TUBG1: variants seen among roughly 807,000 people sequenced by gnomAD.
TUBG1 encodes the protein tubulin gamma-1 chain.
A neutral mutation model predicts 53.3 loss-of-function variants in TUBG1; 22 were observed. That is an observed-to-expected ratio of 0.41 (90% CI 0.29 to 0.59). The LOEUF (loss-of-function observed/expected upper bound fraction) is 0.59, where lower values mean the gene tolerates loss of function less well. Among genes scored for constraint, TUBG1 ranks in the 20% least tolerant of loss-of-function variants. The pLI, the probability that TUBG1 is intolerant of heterozygous loss-of-function variation, is 0.26. For missense variants in TUBG1, 217 were observed against 598.9 expected (o/e 0.36, Z 6.66); for synonymous variants, 198 against 236.7 (o/e 0.84, Z 1.50).
Position 42,615,233 on chromosome 17 carries a change from A to C in TUBG1, c.*192A>C. The C allele has an allele frequency of 6.9e-6, 4 of 578,678 alleles. No homozygotes were observed. The highest frequency in any genetic ancestry group is 1.2e-5 in the Non-Finnish European group (4 of 330,306). 35.8% of individuals were successfully genotyped at this position (578,678 alleles called of 1,614,324 possible). On this transcript the variant is annotated 3_prime_UTR_variant, in exon 11 of 11. Transcript: ENST00000251413. ...TATCTTTAATAAAGCACTGGATATAAATCAAGTCACTGCTCCCTTTAAAGC... is the reference window on the plus strand; with the variant it reads ...TATCTTTAATAAAGCACTGGATATACATCAAGTCACTGCTCCCTTTAAAGC...
chr17:42,614,004 AG>A lies in TUBG1; in HGVS notation c.843+7del, dbSNP rs2052056600. On this transcript the variant is annotated splice_region_variant and intron_variant, in intron 8 of 10. Transcript: ENST00000251413. This position sits in a 1 kb window ranked among gnomAD's most constrained non-coding sequence, Gnocchi z 5.1. ...CTCTCACTACGGACCAGTCAGTAAG[AG>A]CAGCCTTCAGTGTCCCAGGCCAGGC... The A allele has an allele frequency of 3.1e-6, 5 of 1,614,156 alleles. No homozygotes were observed. The Middle Eastern group carries it at 4.9e-4, about 160-fold the overall frequency.
rs1331357865 is a variant in TUBG1, at chr17:42,609,704, C to G, written c.-34C>G. The stretch of plus-strand genomic sequence containing the variant: ...GGCTGGCGTGCGGCGCCGTTGCGGG[C>G]GGGAGCGGCTGCAACGCCGGTGCCT... On this transcript the variant is annotated 5_prime_UTR_variant, in exon 1 of 11. Coordinates refer to ENST00000251413, the MANE Select transcript of TUBG1 (RefSeq NM_001070.5). 1.9e-6 allele frequency: 3 copies of G among 1,539,962 alleles called. No individual in the cohort carries two copies. The highest frequency in any genetic ancestry group is 1.2e-5 in the South Asian group (1 of 82,778).
rs749432201 is a variant in TUBG1, at chr17:42,610,492, C to T, written c.232C>T (p.Leu78Phe). The change falls in exon 3 of 11, where the codon CTC (leucine) becomes TTC (phenylalanine). Residue 78 changes from leucine (L) to phenylalanine (F), a missense_variant. Physicochemically the swap from Leu to Phe is conservative, Grantham distance 22. Coordinates refer to ENST00000251413, the MANE Select transcript of TUBG1 (RefSeq NM_001070.5). ...GGAACCCCGGGTGATCCACTCCATC[C>T]TCAACTCCCCCTATGCCAAGCTCTA... ...DLEPRVIHSI[L>F]NSPYAKLYNP... is the part of the protein sequence containing the mutation. 6.2e-7 allele frequency: 1 copy of T among 1,613,800 alleles called. No individual in the cohort carries two copies. The highest frequency in any genetic ancestry group is 1.1e-5 in the South Asian group (1 of 91,066).
intron 3 of TUBG1, 83 bp downstream of exon 3, chr17:42,610,673 A>G (rs778421361): frequency 6.3e-6 from 10 of 1,590,208 alleles, no homozygotes; most frequent in Non-Finnish European, 8.6e-6. Context: ...GGAAAACCGG[A>G]TCAGGGATGT....
rs2093177475 is a variant in TUBG1, at chr17:42,609,745, G to A, written c.8G>A (p.Arg3Lys). The A allele has an allele frequency of 1.9e-6, 3 of 1,550,882 alleles. No individual in the cohort carries two copies. Among genetic ancestry groups the A allele is most frequent in the Non-Finnish European group, 1.7e-6 (2 of 1,146,678 alleles). MP[R>K]EIITLQLGQC... The stretch of plus-strand genomic sequence containing the variant: ...GCCGGTGCCTGAGGAGCGATGCCGA[G>A]GGAAATCATCACCCTACAGTTGGGC... The change falls in exon 1 of 11, where the codon AGG becomes AAG. Residue 3 changes from arginine to lysine, a missense_variant. Physicochemically the swap from Arg to Lys is conservative, Grantham distance 26 (BLOSUM62 2). This residue lies in a region of TUBG1 where 57 missense variants were observed against 169.3 expected (regional missense o/e 0.34). Transcript: ENST00000251413.
At position 42,614,761 on chromosome 17, in the gene TUBG1, T is replaced by C. The variant is rs1000206034; in HGVS notation, c.1159-83T>C. On this transcript the variant is annotated intron_variant, in intron 10 of 10. Transcript: ENST00000251413. The surrounding 1 kb of genome is among the most constrained non-coding windows in gnomAD (Gnocchi z 5.1). ...GCTTCTAGCTTTTTTGCTGTGGGCA[T>C]AGCCCAGCCTTGGTTCCCCAGCTTT... 3 of 1,607,824 alleles carry C rather than the reference T, an allele frequency of 1.9e-6. No individual in the cohort carries two copies. The African/African-American group carries it at 4.0e-5, about 22-fold the overall frequency.
chr17:42,614,936 C>A lies in TUBG1; in HGVS notation c.1251C>A (p.Asn417Lys). 6.2e-7 allele frequency: 1 copy of A among 1,614,260 alleles called. No homozygotes were observed. Residue 417 changes from asparagine to lysine, a missense_variant, in exon 11 of 11, where the codon AAC (asparagine) becomes AAA (lysine). This residue lies in a region of TUBG1 where 135 missense variants were observed against 371.2 expected (regional missense o/e 0.36). Coordinates refer to ENST00000251413, the MANE Select transcript of TUBG1 (RefSeq NM_001070.5). The surrounding 1 kb of genome is among the most constrained non-coding windows in gnomAD (Gnocchi z 5.1). ...QFRKEDMFKD[N>K]FDEMDTSREI... is the part of the protein sequence containing the mutation. ...GCAAGGAGGACATGTTCAAGGACAA[C>A]TTTGATGAGATGGACACATCCAGGG...
rs189529325 is a variant in TUBG1, at chr17:42,613,736, G to A, written c.693+3G>A. On this transcript the variant is annotated splice_donor_region_variant and intron_variant, in intron 7 of 10. Transcript: ENST00000251413. ...CCTTCTCCCAGATCAACCAGCTGGTGGGCCCCCACTCCTGGACTCCTTTGG... is the reference window on the plus strand; with the variant it reads ...CCTTCTCCCAGATCAACCAGCTGGTAGGCCCCCACTCCTGGACTCCTTTGG... The A allele has an allele frequency of 6.2e-7, 1 of 1,614,102 alleles. No individual in the cohort carries two copies. The highest frequency in any genetic ancestry group is 1.7e-5 in the Admixed American group (1 of 60,008).
rs368976351 is a variant in TUBG1 at position 42,614,009 on chromosome 17, C to T, written c.843+11C>T. 2.2e-5 allele frequency: 35 copies of T among 1,614,064 alleles called. No individual in the cohort carries two copies. The South Asian group carries it at 3.3e-4, about 15-fold the overall frequency. On this transcript the variant is annotated intron_variant, in intron 8 of 10. Transcript: ENST00000251413. This position sits in a 1 kb window ranked among gnomAD's most constrained non-coding sequence, Gnocchi z 5.1. ...ACTACGGACCAGTCAGTAAGAGCAG[C>T]CTTCAGTGTCCCAGGCCAGGCCGGC...
Position 42,614,325 on chromosome 17 carries a change from G to A in TUBG1, c.909G>A (p.Val303=), listed in dbSNP as rs761003698. 6.2e-6 allele frequency: 10 copies of A among 1,613,842 alleles called. No individual in the cohort carries two copies. Among genetic ancestry groups the A allele is most frequent in the African/African-American group, 1.3e-5 (1 of 74,906 alleles). ...VMRRLLQPKN[V]MVSTGRDRQT... ...GGCGGCTGCTGCAGCCCAAGAACGTGATGGTGTCCACAGGCCGAGACCGCC... is the reference window on the plus strand; with the variant it reads ...GGCGGCTGCTGCAGCCCAAGAACGTAATGGTGTCCACAGGCCGAGACCGCC... Residue 303 remains valine (V), a synonymous_variant, in exon 9 of 11, where the codon GTG becomes GTA. Coordinates refer to ENST00000251413, the MANE Select transcript of TUBG1 (RefSeq NM_001070.5). This position sits in a 1 kb window ranked among gnomAD's most constrained non-coding sequence, Gnocchi z 5.1.
At chr17:42,609,857 G>A (rs377379326) in intron 1 of TUBG1, 71 bp downstream of exon 1, 1 of 1,507,678 alleles carries the variant, frequency 6.6e-7, no homozygotes, top group African/African-American at 1.4e-5. Flanking sequence ...TGGGATCCTG[G>A]ACTCCATCTG....
At chr17:42,609,964 C>A in intron 1 of TUBG1, 144 bp from the exon 2 acceptor site, 3 of 1,286,014 alleles carry the variant, frequency 2.3e-6, no homozygotes, top group South Asian at 1.5e-5. Context: ...CAGTCCCTGG[C>A]GTACAGTCCT....
intron 6 of TUBG1, 78 bp downstream of exon 6, chr17:42,613,151 T>TA (rs1422169757): frequency 1.1e-5 from 17 of 1,549,074 alleles, no homozygotes; most frequent in South Asian, 3.6e-5. Flanking sequence ...TTCATGTATT[T>TA]AAAAAAAATC....
rs552671339 is a variant in TUBG1, at chr17:42,615,134, C to T, written c.*93C>T. 124 of 1,259,220 alleles carry T rather than the reference C, an allele frequency of 9.8e-5. No individual in the cohort carries two copies. In the African/African-American group the frequency reaches 1.6e-3, roughly 16 times the overall value. 78.0% of individuals were successfully genotyped at this position (1,259,220 alleles called of 1,614,324 possible). A position where few individuals can be genotyped will look rare whatever the true frequency, so the allele number is the denominator to read the frequency against. On this transcript the variant is annotated 3_prime_UTR_variant, in exon 11 of 11. Coordinates refer to ENST00000251413, the MANE Select transcript of TUBG1 (RefSeq NM_001070.5). ...CTCAGAGCACAGATCAGGGACCTCA[C>T]GCATCTCTTTCTCATATACATGGAC...
At position 42,613,017 on chromosome 17, in the gene TUBG1, C is replaced by T; in HGVS notation, c.550C>T (p.Gln184Ter). The change falls in exon 6 of 11, where the codon CAG becomes TAG. Residue 184 changes from glutamine (Q) to a stop codon, truncating the protein, a stop_gained. Coordinates refer to ENST00000251413, the MANE Select transcript of TUBG1 (RefSeq NM_001070.5). LOFTEE classifies it high-confidence loss of function. ...GGACGAGATGAGCGATGTGGTGGTC[C>T]AGCCTTACAATTCACTCCTCACACT... ...NQDEMSDVVV[Q>*]PYNSLLTLKR... The T allele has an allele frequency of 1.2e-6, 2 of 1,614,102 alleles. No individual in the cohort carries two copies. The highest frequency in any genetic ancestry group is 1.7e-6 in the Non-Finnish European group (2 of 1,180,004).
rs1424759068 is a variant in TUBG1 at position 42,609,736 on chromosome 17, C to T, written c.-2C>T. On this transcript the variant is annotated 5_prime_UTR_variant, in exon 1 of 11. Transcript: ENST00000251413. The stretch of plus-strand genomic sequence containing the variant: ...GGCTGCAACGCCGGTGCCTGAGGAG[C>T]GATGCCGAGGGAAATCATCACCCTA... 1.7e-5 allele frequency: 26 copies of T among 1,549,992 alleles called. No individual in the cohort carries two copies. The highest frequency in any genetic ancestry group is 2.3e-5 in the Non-Finnish European group (26 of 1,146,360).
At position 42,615,091 on chromosome 17, in the gene TUBG1, T is replaced by G. The variant is rs1332306925; in HGVS notation, c.*50T>G. ...CTGCCTTACTGGTTGGCCCAAGCCC[T>G]GCCTGACTGACCACCCCCTCAGAGC... On this transcript the variant is annotated 3_prime_UTR_variant, in exon 11 of 11. Transcript: ENST00000251413. The G allele has an allele frequency of 2.5e-6, 4 of 1,595,438 alleles. No individual in the cohort carries two copies. In the African/African-American group the frequency reaches 5.4e-5, roughly 21 times the overall value.
In TUBG1 at chr17:42,614,820, C is replaced by T. The variant is rs1421842853; in HGVS notation, c.1159-24C>T. On this transcript the variant is annotated intron_variant, in intron 10 of 10. Coordinates refer to ENST00000251413, the MANE Select transcript of TUBG1 (RefSeq NM_001070.5). The surrounding 1 kb of genome is among the most constrained non-coding windows in gnomAD (Gnocchi z 5.1). ...CGTTATTCTTTGAAGTTCTTTGTAACCCCTGTTTTCTGCACACCCCAAGCT... is the reference window on the plus strand; with the variant it reads ...CGTTATTCTTTGAAGTTCTTTGTAATCCCTGTTTTCTGCACACCCCAAGCT... 2.5e-6 allele frequency: 4 copies of T among 1,613,908 alleles called. No individual in the cohort carries two copies. The African/African-American group carries it at 4.0e-5, about 16-fold the overall frequency.
Position 42,609,726 on chromosome 17 carries a change from G to C in TUBG1, c.-12G>C, listed in dbSNP as rs369126594. 9.0e-6 allele frequency: 14 copies of C among 1,548,766 alleles called. No individual in the cohort carries two copies. Among genetic ancestry groups the C allele is most frequent in the South Asian group, 4.8e-5 (4 of 83,910 alleles). On this transcript the variant is annotated 5_prime_UTR_variant, in exon 1 of 11. Coordinates refer to ENST00000251413, the MANE Select transcript of TUBG1 (RefSeq NM_001070.5). ...GGGCGGGAGCGGCTGCAACGCCGGT[G>C]CCTGAGGAGCGATGCCGAGGGAAAT... is the stretch of plus-strand genomic sequence containing the variant.
Sources: gnomAD v4.1 joint callset for allele counts on GRCh38, gnomAD v4.1.1 for gene constraint, gnomAD v4.1.1 regional missense constraint, Gnocchi (gnomAD v3.1) non-coding constraint, MANE v1.5 for transcripts, NCBI Gene and HGNC (gene_info 2026-07-23, HGNC 2026-07-21) for gene names.